TMTC1: variants seen among roughly 807,000 people sequenced by gnomAD.
TMTC1 encodes protein O-mannosyl-transferase TMTC1.
Under a neutral mutation model 104.8 loss-of-function variants are expected in TMTC1, and 73 were observed. That is an observed-to-expected ratio of 0.70 (90% CI 0.58 to 0.85). TMTC1 has a LOEUF of 0.85. Ranked by LOEUF, TMTC1 falls within the 40% of genes least tolerant of loss-of-function variation. The probability of loss-of-function intolerance (pLI) is 0.00; values close to 1 mark genes in which losing one functional copy is unlikely to be tolerated. For missense variants in TMTC1, 1,035 were observed against 1,096.1 expected (o/e 0.94, Z 0.79); for synonymous variants, 434 against 428.7 (o/e 1.01, Z -0.15).
intron 5 of TMTC1, among the ~76,000 whole-genome samples, chr12:29,648,611 A>T (rs1468460399): frequency 6.6e-6 from 1 of 152,062 alleles, no homozygotes. Flanking sequence ...CTCACCAGCC[A>T]CTCATCCTTC....
intron 1 of TMTC1, among the ~76,000 whole-genome samples, chr12:29,774,043 T>C (rs1462780160): frequency 6.9e-6 from 1 of 144,664 alleles, no homozygotes; most frequent in Admixed American, 7.0e-5. Flanking sequence ...TGTGTGTGTG[T>C]GCAGGTGGCA....
At chr12:29,628,535 A>T (rs376535467) in intron 6 of TMTC1, among the ~76,000 whole-genome samples, 1 of 152,316 alleles carries the variant, frequency 6.6e-6, no homozygotes, top group East Asian at 1.9e-4. Flanking sequence ...ACCAGCATTA[A>T]CGTCAACACA....
intron 7 of TMTC1, among the ~76,000 whole-genome samples, chr12:29,602,197 C>T (rs1946586084): frequency 6.6e-6 from 1 of 152,110 alleles, no homozygotes; most frequent in South Asian, 2.1e-4. Flanking sequence ...GGCTGGAGTG[C>T]AGGGGCACGA....
intron 14 of TMTC1, 128 bp downstream of exon 14, chr12:29,517,299 T>C (rs748265036): frequency 1.2e-5 from 12 of 983,832 alleles, no homozygotes; most frequent in Non-Finnish European, 1.8e-5. Context: ...TAACATTAGC[T>C]GTATGAATAT....
chr12:29,548,809 A>AT (rs754912121), intron 10 of TMTC1, among the ~76,000 whole-genome samples: 77,212 of 142,718 alleles, frequency 0.54, 23,693 homozygotes, highest in Non-Finnish European at 0.67. Flanking sequence ...ATATAAGTAT[A>AT]AAGGTTATAT....
chr12:29,716,619 A>T (rs1458785016), intron 5 of TMTC1, among the ~76,000 whole-genome samples: 1 of 152,172 alleles, frequency 6.6e-6, no homozygotes, highest in Non-Finnish European at 1.5e-5. Flanking sequence ...GAAATATAAT[A>T]CAGTGACTAA....
At chr12:29,705,613 C>A (rs996309059) in intron 5 of TMTC1, among the ~76,000 whole-genome samples, 1 of 152,128 alleles carries the variant, frequency 6.6e-6, no homozygotes, top group African/African-American at 2.4e-5. Context: ...ACCCTTCTTT[C>A]TTGTTTCAAA....
chr12:29,765,928 G>C (rs1321687332), intron 2 of TMTC1, among the ~76,000 whole-genome samples: 1 of 152,156 alleles, frequency 6.6e-6, no homozygotes, highest in Non-Finnish European at 1.5e-5. Context: ...AATTTTTAAT[G>C]ATCTACCAAC....
At chr12:29,700,346 C>T (rs546444702) in intron 5 of TMTC1, among the ~76,000 whole-genome samples, 119 of 151,906 alleles carry the variant, frequency 7.8e-4, no homozygotes, top group African/African-American at 2.7e-3. Context: ...CATTCTCCTG[C>T]CTCAGCCTCC....
intron 5 of TMTC1, chr12:29,640,755 G>A (rs1241229078): frequency 2.6e-5 from 4 of 152,282 alleles, no homozygotes; most frequent in Non-Finnish European, 5.9e-5. Context: ...AGTTTGAACG[G>A]GGTGAGAAGC....
In TMTC1 at chr12:29,783,666, GC is replaced by G; in HGVS notation, c.85del (p.Ala29ProfsTer30). 7.5e-7 allele frequency: 1 copy of G among 1,340,936 alleles called. No individual in the cohort carries two copies. Among genetic ancestry groups the G allele is most frequent in the Non-Finnish European group, 9.5e-7 (1 of 1,051,142 alleles). 83.1% of individuals were successfully genotyped at this position (1,340,936 alleles called of 1,614,324 possible). ...GCTTGCCCCGGCCAGCAGCGCCGCG[GC>G]CCCGGCCGGCGCTAGCCCGCAGCCC... ...RRGCGLAPAG[A>X]AALLAGASCL... On this transcript the variant is annotated frameshift_variant, in exon 1 of 18. Transcript: ENST00000539277. LOFTEE classifies it high-confidence loss of function. The surrounding 1 kb of genome is among the most constrained non-coding windows in gnomAD (Gnocchi z 4.7).
Position 29,751,658 on chromosome 12 carries a change from C to T in TMTC1, c.938+8G>A. 1 of 1,614,042 alleles carries T rather than the reference C, an allele frequency of 6.2e-7. No individual in the cohort carries two copies. Among genetic ancestry groups the T allele is most frequent in the African/African-American group, 1.3e-5 (1 of 75,016 alleles). ...AACATGCAGGGACCAAGAAACCCAGCCCAGTACCTCATCATGGACCACACA... is the reference window on the plus strand; with the variant it reads ...AACATGCAGGGACCAAGAAACCCAGTCCAGTACCTCATCATGGACCACACA... On this transcript the variant is annotated splice_region_variant and intron_variant, in intron 5 of 17. Coordinates refer to ENST00000539277, the MANE Select transcript of TMTC1 (RefSeq NM_001193451.2).
At chr12:29,581,864 G>A (rs1309734781) in intron 8 of TMTC1, among the ~76,000 whole-genome samples, 1 of 152,124 alleles carries the variant, frequency 6.6e-6, no homozygotes, top group Non-Finnish European at 1.5e-5. Flanking sequence ...TTAGCATGAG[G>A]CAGAAGGAAG....
intron 5 of TMTC1, among the ~76,000 whole-genome samples, chr12:29,748,977 TC>T (rs1414314587): frequency 6.6e-5 from 10 of 152,300 alleles, no homozygotes; most frequent in African/African-American, 2.4e-4. Context: ...GTCTATTGCA[TC>T]CGTCTGGTAG....
chr12:29,573,629 G>A (rs1945741735), intron 8 of TMTC1, among the ~76,000 whole-genome samples: 1 of 152,214 alleles, frequency 6.6e-6, no homozygotes. Context: ...CAGTGAAGGT[G>A]AAGCTTAGAC....
intron 11 of TMTC1, among the ~76,000 whole-genome samples, chr12:29,528,715 A>G (rs1200081214): frequency 6.6e-6 from 1 of 152,176 alleles, no homozygotes; most frequent in Non-Finnish European, 1.5e-5. Flanking sequence ...GAAATTCTCA[A>G]CCTTCTTAAT....
intron 8 of TMTC1, among the ~76,000 whole-genome samples, chr12:29,575,405 G>A (rs1180327786): frequency 1.3e-5 from 2 of 151,938 alleles, no homozygotes; most frequent in East Asian, 1.9e-4. Flanking sequence ...AGATTAAGAG[G>A]AGAATTCCAT....
intron 5 of TMTC1, among the ~76,000 whole-genome samples, chr12:29,644,165 T>C (rs1040553821): frequency 7.9e-6 from 1 of 126,078 alleles, no homozygotes; most frequent in South Asian, 2.3e-4. Context: ...ATATATATAA[T>C]GAAATACTAA....
At chr12:29,713,406 C>T (rs1254218095) in intron 5 of TMTC1, among the ~76,000 whole-genome samples, 1 of 149,880 alleles carries the variant, frequency 6.7e-6, no homozygotes, top group Non-Finnish European at 1.5e-5. Context: ...TAATGTTCTC[C>T]ATCAGTTTGG....
Sources: allele counts gnomAD v4.1 joint callset (sites outside exome capture counted in the v4.1 genomes callset), GRCh38; gene constraint gnomAD v4.1.1; non-coding constraint Gnocchi (gnomAD v3.1); transcripts MANE v1.5; gene names NCBI Gene and HGNC (gene_info 2026-07-23, HGNC 2026-07-21).